Variants in MYO9A observed in about 807,000 individuals in gnomAD.
The protein encoded by MYO9A is unconventional myosin-IXa.
A neutral mutation model predicts 293.3 loss-of-function variants in MYO9A; 103 were observed. The observed-to-expected ratio is 0.35, with a 90% CI of 0.30 to 0.41. The LOEUF is 0.41. Among genes scored for constraint, MYO9A ranks in the 10% least tolerant of loss-of-function variants. MYO9A has a pLI of 1.00. For missense variants in MYO9A, 2,685 were observed against 3,033.0 expected (o/e 0.89, Z 2.69); for synonymous variants, 1,001 against 1,035.7 (o/e 0.97, Z 0.64).
intron 1 of MYO9A, among the ~76,000 whole-genome samples, chr15:72,115,859 GACACA>G (rs2080952873): frequency 6.6e-6 from 1 of 151,914 alleles, no homozygotes; most frequent in African/African-American, 2.4e-5. Flanking sequence ...TATAACATCA[GACACA>G]TTTAAAAGAA....
At chr15:72,080,019 C>G (rs982262517) in intron 1 of MYO9A, among the ~76,000 whole-genome samples, 3 of 152,182 alleles carry the variant, frequency 2.0e-5, no homozygotes, top group African/African-American at 7.2e-5. Flanking sequence ...CAAGTATTAT[C>G]TGCTGATTCT....
intron 27 of MYO9A, among the ~76,000 whole-genome samples, chr15:71,884,611 G>A (rs1430586948): frequency 1.3e-5 from 2 of 152,058 alleles, no homozygotes; most frequent in African/African-American, 4.8e-5. Context: ...CCTCTTCTTA[G>A]TGCTTGTACA....
intron 22 of MYO9A, among the ~76,000 whole-genome samples, chr15:71,902,637 T>A (rs1166572265): frequency 6.6e-6 from 1 of 152,096 alleles, no homozygotes; most frequent in Non-Finnish European, 1.5e-5. Flanking sequence ...AAAGAAAGTA[T>A]TTGATAAATT....
intron 19 of MYO9A, among the ~76,000 whole-genome samples, chr15:71,915,160 T>C (rs953673201): frequency 6.6e-6 from 1 of 152,138 alleles, no homozygotes; most frequent in East Asian, 1.9e-4. Flanking sequence ...CAACATGATT[T>C]TTTTTTCTAT....
intron 28 of MYO9A, among the ~76,000 whole-genome samples, chr15:71,883,302 T>C (rs2056926417): frequency 6.6e-6 from 1 of 152,196 alleles, no homozygotes; most frequent in Non-Finnish European, 1.5e-5. Context: ...GTTAAATGAA[T>C]GAATAATGGC....
chr15:71,993,348 C>G (rs529793370), intron 10 of MYO9A, among the ~76,000 whole-genome samples: 1 of 151,038 alleles, frequency 6.6e-6, no homozygotes, highest in South Asian at 2.1e-4. Flanking sequence ...GAGACACTGT[C>G]TCAAAAATAA....
chr15:72,035,359 T>G (rs1169262839), intron 2 of MYO9A, among the ~76,000 whole-genome samples: 1 of 144,512 alleles, frequency 6.9e-6, no homozygotes, highest in Non-Finnish European at 1.5e-5. Flanking sequence ...AGTCAAAGCT[T>G]GAAAATAACG....
chr15:71,923,977 A>G (rs2058222490), intron 18 of MYO9A, among the ~76,000 whole-genome samples: 1 of 152,106 alleles, frequency 6.6e-6, no homozygotes, highest in African/African-American at 2.4e-5. Context: ...AACGTAGACA[A>G]TTATTGCTAT....
chr15:71,998,458 A>T (rs946419006), intron 9 of MYO9A, among the ~76,000 whole-genome samples: 6 of 152,156 alleles, frequency 3.9e-5, no homozygotes, highest in Non-Finnish European at 7.4e-5. Flanking sequence ...TAAATTTTTT[A>T]AAAGAAGAAA....
intron 4 of MYO9A, among the ~76,000 whole-genome samples, chr15:72,023,772 TAAAG>T (rs2077578236): frequency 6.8e-6 from 1 of 147,898 alleles, no homozygotes; most frequent in African/African-American, 2.5e-5. Flanking sequence ...GAAAGGGACA[TAAAG>T]AATACTTGAA....
intron 39 of MYO9A, among the ~76,000 whole-genome samples, chr15:71,847,122 A>C (rs570945101): frequency 6.6e-6 from 1 of 152,380 alleles, no homozygotes; most frequent in South Asian, 2.1e-4. Flanking sequence ...TTCACCTTTT[A>C]ATGATTCAAC....
At chr15:71,923,631 CA>C (rs1480701989) in intron 18 of MYO9A, among the ~76,000 whole-genome samples, 1 of 152,078 alleles carries the variant, frequency 6.6e-6, no homozygotes, top group Non-Finnish European at 1.5e-5. Flanking sequence ...CTAGGTTTTC[CA>C]AATAGTTGCC....
At chr15:71,901,054 C>T in intron 23 of MYO9A, 137 bp downstream of exon 23, 1 of 874,072 alleles carries the variant, frequency 1.1e-6, no homozygotes, top group Non-Finnish European at 1.7e-6. Context: ...ATGAGCACTT[C>T]AAAATTGGGT....
At chr15:71,932,960 T>C (rs1263362062) in intron 18 of MYO9A, among the ~76,000 whole-genome samples, 3 of 151,444 alleles carry the variant, frequency 2.0e-5, no homozygotes, top group East Asian at 3.9e-4. Context: ...GCTATACACA[T>C]TAATAAAACA....
At chr15:72,057,495 G>A (rs916414347) in intron 1 of MYO9A, among the ~76,000 whole-genome samples, 1 of 151,952 alleles carries the variant, frequency 6.6e-6, no homozygotes, top group Non-Finnish European at 1.5e-5. Flanking sequence ...CTTTGTCATC[G>A]AACATAGTTT....
intron 6 of MYO9A, among the ~76,000 whole-genome samples, chr15:72,018,042 C>G (rs1829342325): frequency 6.6e-6 from 1 of 151,352 alleles, no homozygotes; most frequent in Non-Finnish European, 1.5e-5. Context: ...GCCTGGACAA[C>G]ATAGTGAGAC....
intron 8 of MYO9A, among the ~76,000 whole-genome samples, chr15:72,001,004 A>G (rs2076848479): frequency 6.6e-6 from 1 of 152,202 alleles, no homozygotes; most frequent in Non-Finnish European, 1.5e-5. Context: ...AGGTTAGAGC[A>G]TACATATTTT....
intron 1 of MYO9A, among the ~76,000 whole-genome samples, chr15:72,053,289 C>T (rs1461950446): frequency 6.6e-6 from 1 of 151,996 alleles, no homozygotes; most frequent in African/African-American, 2.4e-5. Flanking sequence ...GCCTGTAATC[C>T]CAGCTACTCA....
At chr15:71,917,215 C>T (rs1465742295) in intron 18 of MYO9A, among the ~76,000 whole-genome samples, 1 of 152,140 alleles carries the variant, frequency 6.6e-6, no homozygotes, top group African/African-American at 2.4e-5. Context: ...AATACCAGGG[C>T]GACAGTCGGT....
Sources: gnomAD v4.1 joint callset for allele counts (sites outside exome capture counted in the v4.1 genomes callset) on GRCh38, gnomAD v4.1.1 for gene constraint, MANE v1.5 for transcripts, NCBI Gene and HGNC (gene_info 2026-07-23, HGNC 2026-07-21) for gene names.